The following FAM227A variants were observed in gnomAD, a reference collection of about 807,000 sequenced individuals.
FAM227A encodes the protein protein FAM227A.
In FAM227A, 80 loss-of-function variants were observed where a neutral mutation model predicts 74.7. That is an observed-to-expected ratio of 1.07 (90% CI 0.89 to 1.29). FAM227A has a LOEUF of 1.29. FAM227A is among the 50% of genes most tolerant of loss of function. The pLI is 0.00. For synonymous variants in FAM227A, 237 were observed against 241.8 expected (o/e 0.98, Z 0.19); for missense variants, 654 against 683.4 (o/e 0.96, Z 0.48).
Position 38,608,724 on chromosome 22 carries a change from C to T in FAM227A, c.1039-1248G>A, listed in dbSNP as rs763127040. Among the ~76,000 whole-genome samples the T allele has an allele frequency of 4.4e-4, 67 of 151,930 alleles. No homozygotes were observed. The Middle Eastern group carries it at 0.01, about 23-fold the overall frequency. ...GGGATTACAGGCATGAGCCACCGTG[C>T]CAGGATAGATTCTGACTTCTTCCAG... is the stretch of plus-strand genomic sequence containing the variant. On this transcript the variant is annotated intron_variant, in intron 11 of 16. Transcript: ENST00000535113.
At chr22:38,596,038 G>A (rs2091038092) in intron 15 of FAM227A, among the ~76,000 whole-genome samples, 1 of 152,058 alleles carries the variant, frequency 6.6e-6, no homozygotes, top group Admixed American at 6.5e-5. Context: ...TACAATTTCT[G>A]GCTAGGCACG....
Position 38,605,491 on chromosome 22 carries a change from T to C in FAM227A, c.1127-143A>G, listed in dbSNP as rs929182050. 2.5e-5 allele frequency: 15 copies of C among 605,608 alleles called. No homozygotes were observed. The African/African-American group carries it at 2.6e-4, about 10-fold the overall frequency. 37.5% of individuals were successfully genotyped at this position (605,608 alleles called of 1,614,324 possible). A position where few individuals can be genotyped will look rare whatever the true frequency, so the allele number is the denominator to read the frequency against. Reference sequence around the variant, plus strand: ...TTTTAGTAGAAACGGGGTTTCGCCATGTTGACCAAGCTGGTCTCAAACTCC... The same window carrying C: ...TTTTAGTAGAAACGGGGTTTCGCCACGTTGACCAAGCTGGTCTCAAACTCC... On this transcript the variant is annotated intron_variant, in intron 12 of 16. Transcript: ENST00000535113.
intron 11 of FAM227A, among the ~76,000 whole-genome samples, chr22:38,608,912 C>T (rs187955020): frequency 3.3e-5 from 5 of 150,738 alleles, no homozygotes; most frequent in Non-Finnish European, 7.4e-5. Flanking sequence ...ACTCCTGCCT[C>T]AGCTCCCCGA....
chr22:38,654,038 G>A (rs962723208), intron 1 of FAM227A, among the ~76,000 whole-genome samples: 2 of 152,138 alleles, frequency 1.3e-5, no homozygotes, highest in Non-Finnish European at 2.9e-5. Flanking sequence ...TAAAGGAGGA[G>A]CACAAGTTAA....
Position 38,581,742 on chromosome 22 carries a change from GTTTT to G in FAM227A, c.*4379_*4382del, listed in dbSNP as rs58028591. The G allele has an allele frequency of 7.3e-6, 1 of 137,032 alleles. No individual in the cohort carries two copies. The highest frequency in any genetic ancestry group is 1.6e-5 in the Non-Finnish European group (1 of 64,206). 8.5% of individuals were successfully genotyped at this position (137,032 alleles called of 1,614,324 possible). ...GCGTTAGCCACCGCACCTGGCTCAG[GTTTT>G]TTTTTTTTTTTTTCCCAGACACAGT... On this transcript the variant is annotated 3_prime_UTR_variant, in exon 17 of 17. Coordinates refer to ENST00000535113, the MANE Select transcript of FAM227A (RefSeq NM_001013647.2).
chr22:38,586,498 T>C (rs1340156035), intron 16 of FAM227A, among the ~76,000 whole-genome samples: 1 of 152,146 alleles, frequency 6.6e-6, no homozygotes, highest in Non-Finnish European at 1.5e-5. Context: ...CCATTGGAGG[T>C]GACATCCCTC....
intron 14 of FAM227A, among the ~76,000 whole-genome samples, chr22:38,598,957 CT>C (rs71197121): frequency 0.016 from 2,165 of 136,192 alleles, 18 homozygotes; most frequent in Middle Eastern, 0.039. Context: ...TGTTTTCTTT[CT>C]TTTTTTTTTT....
chr22:38,629,189 G>A (rs2091868621), intron 6 of FAM227A, among the ~76,000 whole-genome samples: 3 of 152,120 alleles, frequency 2.0e-5, no homozygotes. Flanking sequence ...TCTAGACTCT[G>A]GACAGCTGCT....
At chr22:38,636,969 T>TAAAA (rs2092021196) in intron 5 of FAM227A, among the ~76,000 whole-genome samples, 1 of 151,874 alleles carries the variant, frequency 6.6e-6, no homozygotes, top group Non-Finnish European at 1.5e-5. Flanking sequence ...ACAGGGTTTC[T>TAAAA]ACTAAAAACT....
intron 11 of FAM227A, among the ~76,000 whole-genome samples, chr22:38,613,553 ATG>A (rs1284959067): frequency 4.0e-5 from 6 of 149,048 alleles, no homozygotes; most frequent in Non-Finnish European, 7.4e-5. Flanking sequence ...TCCTAATACT[ATG>A]TGTTTGCACC....
Position 38,623,230 on chromosome 22 carries a change from T to G in FAM227A, c.900A>C (p.Leu300=). ...CTTCTCTGCGGAATCGCTCTGGGTC[T>G]AGTTCCGAGTAGTCCCAGCTGTCAT... The part of the protein sequence containing the change: ...QSYDSWDYSE[L]DPERFRREEL... Residue 300 remains leucine, a synonymous_variant, in exon 10 of 17, where the codon CTA becomes CTC. Coordinates refer to ENST00000535113, the MANE Select transcript of FAM227A (RefSeq NM_001013647.2). 1 of 1,551,678 alleles carries G rather than the reference T, an allele frequency of 6.4e-7. No individual in the cohort carries two copies. Among genetic ancestry groups the G allele is most frequent in the Non-Finnish European group, 8.7e-7 (1 of 1,146,966 alleles).
Position 38,639,865 on chromosome 22 carries a change from G to GT in FAM227A, c.226-142dup, listed in dbSNP as rs2092077319. 3 of 669,368 alleles carry GT rather than the reference G, an allele frequency of 4.5e-6. No homozygotes were observed. The East Asian group carries it at 8.1e-5, about 18-fold the overall frequency. 41.5% of individuals were successfully genotyped at this position (669,368 alleles called of 1,614,324 possible). On this transcript the variant is annotated intron_variant, in intron 3 of 16. Transcript: ENST00000535113. ...TGTGGACAGTGCCTTGTCTTTCCAG[G>GT]TGGTAGGTCCTGGTGGCCTCAGTGT...
At chr22:38,598,572 C>T (rs5757165) in intron 14 of FAM227A, among the ~76,000 whole-genome samples, 58,675 of 152,078 alleles carry the variant, frequency 0.39, 11,801 homozygotes, top group African/African-American at 0.49. Context: ...AATAAGTTTG[C>T]GGACATGCAG....
chr22:38,652,049 G>C (rs181284861), intron 1 of FAM227A, among the ~76,000 whole-genome samples: 13 of 152,002 alleles, frequency 8.6e-5, no homozygotes, highest in African/African-American at 3.1e-4. Context: ...AGCTGGGCAT[G>C]GTGGCAGGCC....
chr22:38,641,793 CAGTTAAAAATAAGAAACAAAT>C (rs997582955), intron 3 of FAM227A, among the ~76,000 whole-genome samples: 1 of 152,042 alleles, frequency 6.6e-6, no homozygotes, highest in African/African-American at 2.4e-5. Context: ...TTCTTAAGTG[CAGTTAAAAATAAGAAACAAAT>C]ACACGACATT....
At chr22:38,627,059 C>T (rs1026785684) in intron 8 of FAM227A, among the ~76,000 whole-genome samples, 5 of 149,706 alleles carry the variant, frequency 3.3e-5, no homozygotes, top group African/African-American at 1.2e-4. Flanking sequence ...ATTGCACCAC[C>T]CTGGCAGCAA....
At chr22:38,588,834 A>G (rs1274249929) in intron 16 of FAM227A, among the ~76,000 whole-genome samples, 1 of 149,822 alleles carries the variant, frequency 6.7e-6, no homozygotes, top group Non-Finnish European at 1.5e-5. Flanking sequence ...AAGCTGAGGC[A>G]GGAGAATGGC....
In FAM227A at chr22:38,643,822, GAACT is replaced by G. The variant is rs1315712973; in HGVS notation, c.225+1737_225+1740del. ...GGAATATTTGGCACTAAAAAGAAATGAACTATCAAGCCATGAAAAGATGGGTTGT... is the reference window on the plus strand; with the variant it reads ...GGAATATTTGGCACTAAAAAGAAATGATCAAGCCATGAAAAGATGGGTTGT... On this transcript the variant is annotated intron_variant, in intron 3 of 16. Transcript: ENST00000535113. 2.6e-5 allele frequency among the ~76,000 whole-genome samples: 4 copies of G among 152,208 alleles called. No individual in the cohort carries two copies. The East Asian group carries it at 7.7e-4, about 29-fold the overall frequency.
At chr22:38,623,920 C>T (rs951649435) in intron 9 of FAM227A, among the ~76,000 whole-genome samples, 1 of 152,058 alleles carries the variant, frequency 6.6e-6, no homozygotes, top group Non-Finnish European at 1.5e-5. Context: ...GACATTTGAG[C>T]CACTATGCAA....
Sources: allele counts gnomAD v4.1 joint callset (sites outside exome capture counted in the v4.1 genomes callset), GRCh38; gene constraint gnomAD v4.1.1; transcripts MANE v1.5; gene names NCBI Gene and HGNC (gene_info 2026-07-23, HGNC 2026-07-21).